Variants in WDR86 observed in about 807,000 individuals in gnomAD.
WDR86 encodes WD repeat-containing protein 86.
Under a neutral mutation model 36.5 loss-of-function variants are expected in WDR86, and 30 were observed. That is an observed-to-expected ratio of 0.82 (90% CI 0.61 to 1.11). The LOEUF (loss-of-function observed/expected upper bound fraction) is 1.11, where lower values mean the gene tolerates loss of function less well. WDR86 is among the 50% of genes most tolerant of loss of function. The pLI is 0.00. For synonymous variants in WDR86, 255 were observed against 252.9 expected, an observed-to-expected ratio of 1.01 and a Z score of -0.08; for missense variants, 545 against 561.2, an observed-to-expected ratio of 0.97 and a Z score of 0.29.
At chr7:151,383,209 G>A (rs915817240) in intron 4 of WDR86, among the ~76,000 whole-genome samples, 2 of 151,654 alleles carry the variant, frequency 1.3e-5, no homozygotes, top group African/African-American at 4.8e-5. Context: ...AGTGGCTCAC[G>A]CCTGTAATCT....
chr7:151,377,454 C>G (rs973412236), downstream of WDR86: 4 of 380,346 alleles, frequency 1.1e-5, no homozygotes, highest in African/African-American at 8.3e-5. Flanking sequence ...CCTCCCAGGT[C>G]TGCGTCCCTA....
chr7:151,394,433 G>A (rs1252541356), intron 3 of WDR86, among the ~76,000 whole-genome samples: 3 of 152,136 alleles, frequency 2.0e-5, no homozygotes, highest in East Asian at 1.9e-4. Context: ...CCCGTCACCC[G>A]GAGCCTGCCC....
Position 151,409,766 on chromosome 7 carries a change from T to G in WDR86, c.-177A>C. 1 of 1,275,728 alleles carries G rather than the reference T, an allele frequency of 7.8e-7. No homozygotes were observed. 79.0% of individuals were successfully genotyped at this position (1,275,728 alleles called of 1,614,324 possible). ...TGAAGGACCCTAGCTCCCCGCTGCCTCCAGCCTCTGGGCCCGCGAACCCAG... is the reference window on the plus strand; with the variant it reads ...TGAAGGACCCTAGCTCCCCGCTGCCGCCAGCCTCTGGGCCCGCGAACCCAG... On this transcript the variant is annotated 5_prime_UTR_variant, in exon 1 of 6. Transcript: ENST00000334493. The surrounding 1 kb of genome is among the most constrained non-coding windows in gnomAD (Gnocchi z 5.2).
the WDR86 span, among the ~76,000 whole-genome samples, chr7:151,370,055 G>A: frequency 1.3e-5 from 2 of 151,716 alleles, no homozygotes; most frequent in Non-Finnish European, 2.9e-5. Flanking sequence ...TGCTATAGAA[G>A]TCAATGAGTA....
At position 151,384,448 on chromosome 7, in the gene WDR86, G is replaced by A. The variant is rs183633130; in HGVS notation, c.862+640C>T. 5.3e-5 allele frequency among the ~76,000 whole-genome samples: 8 copies of A among 152,276 alleles called. No individual in the cohort carries two copies. In the East Asian group the frequency reaches 7.7e-4, roughly 15 times the overall value. ...ACTCAGCTAGAAGACGCGTCCTTTC[G>A]CCCTTCATCCTCTCTCTCTGCCTGC... On this transcript the variant is annotated intron_variant, in intron 4 of 5. Transcript: ENST00000334493.
chr7:151,392,862 G>A (rs1355032311), intron 3 of WDR86, among the ~76,000 whole-genome samples: 1 of 152,096 alleles, frequency 6.6e-6, no homozygotes, highest in African/African-American at 2.4e-5. Context: ...CATTCCTAGG[G>A]GGTCTCAGCC....
downstream of WDR86, chr7:151,377,487 T>C: frequency 3.7e-6 from 1 of 272,454 alleles, no homozygotes. Flanking sequence ...GCTTGGTGTT[T>C]TACCCCGAAA....
Position 151,409,257 on chromosome 7 carries a change from T to G in WDR86, c.163+170A>C. The G allele has an allele frequency of 5.4e-6, 6 of 1,106,304 alleles. No homozygotes were observed. Among genetic ancestry groups the G allele is most frequent in the Admixed American group, 2.3e-5 (1 of 43,284 alleles). The allele number at this position is 1,106,304 out of a possible 1,614,324, so 68.5% of individuals were successfully genotyped here. A position where few individuals can be genotyped will look rare whatever the true frequency, so the allele number is the denominator to read the frequency against. ...CCCCAGACCTCACCCTGCCCTGCCG[T>G]GCGCTCAACAGCCAGATGCTGGGCC... On this transcript the variant is annotated intron_variant, in intron 1 of 5. Coordinates refer to ENST00000334493, the MANE Select transcript of WDR86 (RefSeq NM_198285.3). The surrounding 1 kb of genome is among the most constrained non-coding windows in gnomAD (Gnocchi z 5.2).
chr7:151,400,346 T>C, intron 1 of WDR86, 105 bp from the exon 2 acceptor site: 2 of 1,241,844 alleles, frequency 1.6e-6, no homozygotes, highest in East Asian at 2.9e-5. Flanking sequence ...ATGTAGGGAG[T>C]GTTTGAGACA....
chr7:151,373,723 C>T (rs755709114), downstream of WDR86, among the ~76,000 whole-genome samples: 12 of 152,348 alleles, frequency 7.9e-5, no homozygotes, highest in Admixed American at 3.9e-4. Flanking sequence ...CTCTCCTACC[C>T]GGTTCCTACC....
In WDR86 at chr7:151,395,780, A is replaced by G; in HGVS notation, c.722T>C (p.Leu241Pro). The G allele has an allele frequency of 3.2e-6, 5 of 1,555,444 alleles. No individual in the cohort carries two copies. Among genetic ancestry groups the G allele is most frequent in the Non-Finnish European group, 4.3e-6 (5 of 1,151,472 alleles). The change falls in exon 3 of 6, where the codon CTG becomes CCG. Residue 241 changes from leucine (L) to proline (P), a missense_variant. Transcript: ENST00000334493. ...CGGGGACCAGGACAGTCTCACCTCCAGACAGATGACGGAGCCCCGGTGCTC... is the reference window on the plus strand; with the variant it reads ...CGGGGACCAGGACAGTCTCACCTCCGGACAGATGACGGAGCCCCGGTGCTC... ...FREHRGSVIC[L>P]ELVNRLVYSG... is the part of the protein sequence containing the mutation.
intron 1 of WDR86, chr7:151,408,941 G>A (rs1483251855): frequency 8.5e-6 from 4 of 472,388 alleles, no homozygotes; most frequent in Non-Finnish European, 1.8e-5. Flanking sequence ...TGTGACGACG[G>A]CACACTTCTC....
At chr7:151,392,235 A>G (rs1374898361) in intron 3 of WDR86, among the ~76,000 whole-genome samples, 1 of 151,786 alleles carries the variant, frequency 6.6e-6, no homozygotes, top group East Asian at 1.9e-4. Flanking sequence ...GGCCTGGGTC[A>G]TGTCCCTTCT....
At chr7:151,378,859 T>C (rs1417400757), downstream of WDR86, among the ~76,000 whole-genome samples, 1 of 152,190 alleles carries the variant, frequency 6.6e-6, no homozygotes, top group African/African-American at 2.4e-5. Flanking sequence ...ATAGAAGCAA[T>C]GCCACACCAG....
At chr7:151,371,836 C>T (rs11972709), downstream of WDR86, among the ~76,000 whole-genome samples, 3,249 of 152,160 alleles carry the variant, frequency 0.021, 121 homozygotes, top group African/African-American at 0.074. Context: ...CTTGATCTCC[C>T]GGGCTCCAAT....
chr7:151,407,301 G>C (rs111568252), intron 1 of WDR86, among the ~76,000 whole-genome samples: 1 of 152,214 alleles, frequency 6.6e-6, no homozygotes, highest in African/African-American at 2.4e-5. Flanking sequence ...GAAGGAAGGA[G>C]GCACAGGTGC....
chr7:151,385,596 C>T (rs1468698532), intron 3 of WDR86, among the ~76,000 whole-genome samples: 1 of 152,196 alleles, frequency 6.6e-6, no homozygotes, highest in Admixed American at 6.5e-5. Flanking sequence ...GAGGAGAGGG[C>T]TTCCAGAGAA....
chr7:151,400,385 T>C, intron 1 of WDR86, 144 bp from the exon 2 acceptor site: 1 of 985,708 alleles, frequency 1.0e-6, no homozygotes, highest in Non-Finnish European at 1.4e-6. Flanking sequence ...TTAGTTTTGT[T>C]TTGTTTTGTT....
intron 3 of WDR86, among the ~76,000 whole-genome samples, chr7:151,387,775 G>A (rs1251299665): frequency 3.9e-5 from 6 of 152,326 alleles, no homozygotes; most frequent in African/African-American, 1.2e-4. Flanking sequence ...CAAGAGTGTC[G>A]GGGGACGCAC....
Sources: gnomAD v4.1 joint callset for allele counts (sites outside exome capture counted in the v4.1 genomes callset) on GRCh38, gnomAD v4.1.1 for gene constraint, Gnocchi (gnomAD v3.1) non-coding constraint, MANE v1.5 for transcripts, NCBI Gene and HGNC (gene_info 2026-07-23, HGNC 2026-07-21) for gene names.